Variants in NUTM2E observed in about 807,000 individuals in gnomAD.
The protein encoded by NUTM2E is family with sequence similarity 22, member E.
A neutral mutation model predicts 26.1 loss-of-function variants in NUTM2E; 3 were observed. The ratio of observed to expected loss-of-function variants is 0.12; its 90% CI spans 0.05 to 0.30. The LOEUF is 0.30. NUTM2E is among the 10% of genes least tolerant of loss of function. NUTM2E has a pLI of 1.00. For missense variants in NUTM2E, 62 were observed against 381.3 expected (o/e 0.16, Z 6.97); for synonymous variants, 13 against 157.5 (o/e 0.08, Z 6.87).
chr10:79,832,402 T>C (rs1841932953), intron 1 of NUTM2E, among the ~76,000 whole-genome samples: 1 of 151,686 alleles, frequency 6.6e-6, no homozygotes. Flanking sequence ...AATATTCTAT[T>C]GATCCTGGTG....
At chr10:79,830,784 C>A (rs1483135634) in intron 1 of NUTM2E, among the ~76,000 whole-genome samples, 2 of 151,706 alleles carry the variant, frequency 1.3e-5, no homozygotes, top group African/African-American at 4.8e-5. Flanking sequence ...TCATATTCTT[C>A]ATAAACAGAG....
rs755681455 is a variant in NUTM2E, at chr10:79,842,120, G to A, written c.380G>A (p.Gly127Glu). 2.7e-6 allele frequency: 3 copies of A among 1,097,978 alleles called. No homozygotes were observed. Among genetic ancestry groups the A allele is most frequent in the East Asian group, 5.0e-5 (2 of 40,124 alleles). The allele number at this position is 1,097,978 out of a possible 1,614,324, so 68.0% of individuals were successfully genotyped here. A position where few individuals can be genotyped will look rare whatever the true frequency, so the allele number is the denominator to read the frequency against. ...SAQPEGMASN[G>E]AYPVLGPGVT... is the part of the protein sequence containing the mutation. The stretch of plus-strand genomic sequence containing the variant: ...CAGCCTGAGGGGATGGCTTCGAATG[G>A]AGGTAAGCCTGTAGGGATGGGGGCA... The change falls in exon 4 of 10, where the codon GGA becomes GAA. Residue 127 changes from glycine (G) to glutamate (E), a missense_variant and splice_region_variant. Physicochemically the swap from Gly to Glu is moderately conservative, Grantham distance 98. Coordinates refer to ENST00000429984, the MANE Select transcript of NUTM2E (RefSeq NM_001355263.2).
At chr10:79,837,137 C>T (rs1484253256) in intron 1 of NUTM2E, among the ~76,000 whole-genome samples, 5 of 151,892 alleles carry the variant, frequency 3.3e-5, no homozygotes, top group African/African-American at 4.8e-5. Context: ...ATAGTCAGAG[C>T]CACCTACCCA....
rs1279233534 is a variant in NUTM2E, at chr10:79,840,890, T to G, written c.-851T>G. ...CTCTGAGTTCTCACTCCTCATCTCC[T>G]TTGACCAGTTTCTTCTAATACTCCC... is the stretch of plus-strand genomic sequence containing the variant. On this transcript the variant is annotated 5_prime_UTR_variant, in exon 4 of 10. Transcript: ENST00000429984. Among the ~76,000 whole-genome samples, 4 of 140,560 alleles carry G rather than the reference T, an allele frequency of 2.8e-5. No individual in the cohort carries two copies. The highest frequency in any genetic ancestry group is 5.3e-5 in the African/African-American group (2 of 37,660). The allele number at this position is 140,560 out of a possible 152,430, so 92.2% of individuals were successfully genotyped here.
At chr10:79,832,489 T>C (rs1371859028) in intron 1 of NUTM2E, among the ~76,000 whole-genome samples, 8 of 151,714 alleles carry the variant, frequency 5.3e-5, no homozygotes, top group Non-Finnish European at 1.0e-4. Context: ...AGTTGGTGAC[T>C]GAGCTTTCAT....
At chr10:79,827,784 GTTTT>G (rs1385546783) in intron 1 of NUTM2E, among the ~76,000 whole-genome samples, 5 of 102,968 alleles carry the variant, frequency 4.9e-5, no homozygotes, top group African/African-American at 1.4e-4. Flanking sequence ...TTATTTAGTG[GTTTT>G]TTTTTTGTTT....
In NUTM2E at chr10:79,827,177, C is replaced by T. The variant is rs1298611050; in HGVS notation, c.-2908C>T. 1 of 152,752 alleles carries T rather than the reference C, an allele frequency of 6.5e-6. No individual in the cohort carries two copies. Among genetic ancestry groups the T allele is most frequent in the Non-Finnish European group, 1.5e-5 (1 of 67,768 alleles). The allele number at this position is 152,752 out of a possible 1,614,324, so 9.5% of individuals were successfully genotyped here. ...GGACGGGCGCGCCCATCCGACTCTT[C>T]GAGGGGCGGCAGGGCCCCATCTGTG... On this transcript the variant is annotated 5_prime_UTR_variant, in exon 1 of 10. Transcript: ENST00000429984.
rs1841890832 is a variant in NUTM2E, at chr10:79,827,292, C to T, written c.-2793C>T. ...CAACAAGCCGATTGATCACATTCTT[C>T]AGCTCTAGCAGTGCAAAGGCTTCAC... On this transcript the variant is annotated 5_prime_UTR_variant, in exon 1 of 10. Coordinates refer to ENST00000429984, the MANE Select transcript of NUTM2E (RefSeq NM_001355263.2). 6.5e-6 allele frequency: 1 copy of T among 153,184 alleles called. No individual in the cohort carries two copies. Among genetic ancestry groups the T allele is most frequent in the Non-Finnish European group, 1.5e-5 (1 of 67,922 alleles). 9.5% of individuals were successfully genotyped at this position (153,184 alleles called of 1,614,324 possible).
chr10:79,838,688 C>G (rs1841979602), intron 2 of NUTM2E, among the ~76,000 whole-genome samples, 92 bp from the exon 3 acceptor site: 1 of 151,796 alleles, frequency 6.6e-6, no homozygotes. Flanking sequence ...CTGCTCTGGT[C>G]ACAATGTGGG....
At chr10:79,827,797 TTTTTTTTTTTTG>T (rs1176513007) in intron 1 of NUTM2E, among the ~76,000 whole-genome samples, 10 of 2,294 alleles carry the variant, frequency 4.4e-3, no homozygotes, top group Admixed American at 7.5e-3. Flanking sequence ...TTTTTTTTGT[TTTTTTTTTTTTG>T]TTTTTTTTTG....
intron 1 of NUTM2E, among the ~76,000 whole-genome samples, chr10:79,835,029 AC>A (rs1165285025): frequency 6.6e-6 from 1 of 151,262 alleles, no homozygotes; most frequent in Non-Finnish European, 1.5e-5. Flanking sequence ...TTTTAAATAA[AC>A]TGCCTTGTTG....
At chr10:79,842,221 ATGT>A (rs1842000931) in intron 4 of NUTM2E, 99 bp downstream of exon 4, 1 of 507,372 alleles carries the variant, frequency 2.0e-6, no homozygotes, top group African/African-American at 2.0e-5. Context: ...GATAGGGCTG[ATGT>A]TGAGGAGGGA....
At chr10:79,838,274 A>AAC (rs1447417555) in intron 1 of NUTM2E, among the ~76,000 whole-genome samples, 35 bp from the exon 2 acceptor site, 14 of 74,744 alleles carry the variant, frequency 1.9e-4, no homozygotes, top group Non-Finnish European at 2.9e-4. Flanking sequence ...CAAGTGAACA[A>AAC]ACTATGACTA....
intron 5 of NUTM2E, among the ~76,000 whole-genome samples, chr10:79,845,498 A>G (rs1474958745): frequency 9.2e-6 from 1 of 108,654 alleles, no homozygotes; most frequent in Non-Finnish European, 2.4e-5. Context: ...TATGACATGC[A>G]TAGCACAGTG....
At chr10:79,845,282 G>A (rs549104436) in intron 5 of NUTM2E, among the ~76,000 whole-genome samples, 2 of 113,114 alleles carry the variant, frequency 1.8e-5, no homozygotes, top group African/African-American at 2.8e-5. Context: ...GAGCTGCAGG[G>A]CCCAGCAGGA....
intron 1 of NUTM2E, among the ~76,000 whole-genome samples, chr10:79,833,345 GA>G (rs1226287249): frequency 1.3e-5 from 2 of 151,168 alleles, no homozygotes; most frequent in Non-Finnish European, 3.0e-5. Flanking sequence ...TTGCTGGTTA[GA>G]AATGTCTTGA....
At chr10:79,834,738 C>G (rs1384768150) in intron 1 of NUTM2E, among the ~76,000 whole-genome samples, 1 of 147,112 alleles carries the variant, frequency 6.8e-6, no homozygotes, top group African/African-American at 2.5e-5. Flanking sequence ...TTGTAACCAG[C>G]CTAAATTAAA....
chr10:79,835,986 G>T (rs1841960404), intron 1 of NUTM2E, among the ~76,000 whole-genome samples: 1 of 151,220 alleles, frequency 6.6e-6, no homozygotes, highest in African/African-American at 2.4e-5. Context: ...CAGTTATTTA[G>T]TCATTTCAAA....
chr10:79,834,219 G>A (rs1841946268), intron 1 of NUTM2E, among the ~76,000 whole-genome samples: 1 of 151,426 alleles, frequency 6.6e-6, no homozygotes, highest in Admixed American at 6.6e-5. Context: ...GGGGTGGGGG[G>A]CAAGGGGAGG....
Sources: allele counts gnomAD v4.1 joint callset (sites outside exome capture counted in the v4.1 genomes callset), GRCh38; gene constraint gnomAD v4.1.1; transcripts MANE v1.5; gene names NCBI Gene and HGNC (gene_info 2026-07-23, HGNC 2026-07-21).